Variants in MCU observed in about 807,000 individuals in gnomAD.
MCU encodes mitochondrial calcium uniporter.
Under a neutral mutation model 45.2 loss-of-function variants are expected in MCU, and 12 were observed. That is an observed-to-expected ratio of 0.27 (90% CI 0.17 to 0.43). The LOEUF is 0.43. MCU is among the 20% of genes least tolerant of loss of function. The pLI is 1.00. For synonymous variants in MCU, 160 were observed against 165.1 expected (o/e 0.97, Z 0.24); for missense variants, 324 against 436.7 (o/e 0.74, Z 2.30).
intron 1 of MCU, among the ~76,000 whole-genome samples, chr10:72,826,031 T>C (rs1255790117): frequency 6.6e-6 from 1 of 152,176 alleles, no homozygotes; most frequent in Non-Finnish European, 1.5e-5. Flanking sequence ...GGTCTGACAA[T>C]ACTGTTCCTA....
At chr10:72,834,302 A>AT (rs1352531011) in intron 1 of MCU, 57 bp from the exon 2 acceptor site, 7 of 1,288,952 alleles carry the variant, frequency 5.4e-6, no homozygotes, top group Non-Finnish European at 7.9e-6. Flanking sequence ...ATACACACAC[A>AT]TAAGTATATG....
intron 2 of MCU, among the ~76,000 whole-genome samples, chr10:72,837,390 T>A (rs964292073): frequency 2.0e-5 from 3 of 152,166 alleles, no homozygotes; most frequent in African/African-American, 7.2e-5. Flanking sequence ...GGCAATCTGC[T>A]TAAATGTTTA....
chr10:72,757,149 G>A (rs2132717879), intron 1 of MCU: 1 of 152,218 alleles, frequency 6.6e-6, no homozygotes, highest in South Asian at 2.1e-4. Context: ...AAGGAAAACA[G>A]AAACCATTTC....
At chr10:72,808,611 C>G (rs2041504764) in intron 1 of MCU, among the ~76,000 whole-genome samples, 1 of 152,266 alleles carries the variant, frequency 6.6e-6, no homozygotes, top group South Asian at 2.1e-4. Context: ...AATCCGTTCT[C>G]ACATAACTAT....
intron 1 of MCU, among the ~76,000 whole-genome samples, chr10:72,784,933 C>A (rs1306173412): frequency 6.6e-6 from 1 of 152,130 alleles, no homozygotes; most frequent in Non-Finnish European, 1.5e-5. Context: ...TTTTAAAGCA[C>A]CAGTCAACCA....
intron 1 of MCU, among the ~76,000 whole-genome samples, chr10:72,830,630 G>A (rs1844865268): frequency 6.6e-6 from 1 of 152,210 alleles, no homozygotes; most frequent in African/African-American, 2.4e-5. Flanking sequence ...TAATGGCCCA[G>A]TAAAGGCAGC....
At chr10:72,838,083 G>A (rs1041762453) in intron 2 of MCU, among the ~76,000 whole-genome samples, 4 of 151,408 alleles carry the variant, frequency 2.6e-5, no homozygotes, top group South Asian at 2.1e-4. Context: ...GGATGGTCTC[G>A]ATCTCTTGAC....
Position 72,692,147 on chromosome 10 carries a change from G to T in MCU, c.-5G>T. ...GCCTGGGTCGGCGCCGTTTCCAGTT[G>T]AGAGATGGCGGCCGCCGCAGGTAGA... On this transcript the variant is annotated 5_prime_UTR_variant, in exon 1 of 8. Transcript: ENST00000373053. 1 of 1,291,808 alleles carries T rather than the reference G, an allele frequency of 7.7e-7. No homozygotes were observed. Among genetic ancestry groups the T allele is most frequent in the South Asian group, 3.5e-5 (1 of 28,338 alleles). 80.0% of individuals were successfully genotyped at this position (1,291,808 alleles called of 1,614,324 possible).
intron 4 of MCU, among the ~76,000 whole-genome samples, chr10:72,864,631 C>A (rs1056971437): frequency 6.6e-6 from 1 of 152,092 alleles, no homozygotes; most frequent in African/African-American, 2.4e-5. Flanking sequence ...ATTGGTAAGG[C>A]TTCTAGTCCA....
chr10:72,726,229 C>T (rs1327125212), intron 1 of MCU, among the ~76,000 whole-genome samples: 2 of 145,588 alleles, frequency 1.4e-5, no homozygotes, highest in Admixed American at 1.4e-4. Flanking sequence ...TCTATCAGCA[C>T]ACACATACTT....
intron 1 of MCU, among the ~76,000 whole-genome samples, chr10:72,824,633 T>C (rs1359850708): frequency 6.6e-6 from 1 of 152,218 alleles, no homozygotes; most frequent in Non-Finnish European, 1.5e-5. Flanking sequence ...GGAAAAAGAA[T>C]TCGAAAACAA....
chr10:72,704,825 G>T (rs11000396), intron 1 of MCU, among the ~76,000 whole-genome samples: 1 of 148,054 alleles, frequency 6.8e-6, no homozygotes, highest in Non-Finnish European at 1.5e-5. Context: ...GGTTCAAGCA[G>T]TTCTCCTACC....
chr10:72,828,114 G>T (rs1017845494), intron 1 of MCU, among the ~76,000 whole-genome samples: 5 of 152,146 alleles, frequency 3.3e-5, no homozygotes, highest in Non-Finnish European at 7.4e-5. Flanking sequence ...TTGGAGACAG[G>T]TTTGGCAAAG....
chr10:72,849,184 G>A (rs2132854595), intron 2 of MCU, among the ~76,000 whole-genome samples: 1 of 151,898 alleles, frequency 6.6e-6, no homozygotes, highest in African/African-American at 2.4e-5. Flanking sequence ...GGGAGGCTGA[G>A]GCAGGAGAAT....
intron 1 of MCU, among the ~76,000 whole-genome samples, chr10:72,751,293 G>A (rs1173917165): frequency 1.4e-5 from 2 of 139,808 alleles, no homozygotes; most frequent in Non-Finnish European, 3.1e-5. Flanking sequence ...ATGAGCCACC[G>A]CACCCAGCCT....
At chr10:72,853,203 T>C (rs147565386) in intron 2 of MCU, among the ~76,000 whole-genome samples, 128 of 152,214 alleles carry the variant, frequency 8.4e-4, no homozygotes, top group Non-Finnish European at 1.5e-3. Flanking sequence ...ATGTCAGAGA[T>C]AATGGAATAA....
intron 1 of MCU, among the ~76,000 whole-genome samples, chr10:72,709,972 C>A (rs1226906752): frequency 6.6e-6 from 1 of 152,056 alleles, no homozygotes; most frequent in African/African-American, 2.4e-5. Context: ...TACATAATGG[C>A]TTTCTGTTTT....
At position 72,762,802 on chromosome 10, in the gene MCU, C is replaced by T. The variant is rs114917700; in HGVS notation, c.150+70501C>T. ...GATAGTATAATGTCATAAAACTGTT[C>T]CCCAGTGTATTAGGTGTTTTTTTTT... On this transcript the variant is annotated intron_variant, in intron 1 of 7. Coordinates refer to ENST00000373053, the MANE Select transcript of MCU (RefSeq NM_138357.3). Among the ~76,000 whole-genome samples, 1,164 of 152,002 alleles carry T rather than the reference C, an allele frequency of 7.7e-3. 17 individuals carry two copies. Among genetic ancestry groups the T allele is most frequent in the African/African-American group, 0.027 (1,100 of 41,458 alleles).
chr10:72,752,479 A>G (rs981886207), intron 1 of MCU, among the ~76,000 whole-genome samples: 6 of 152,238 alleles, frequency 3.9e-5, no homozygotes, highest in Admixed American at 3.9e-4. Flanking sequence ...ACATATAGGC[A>G]TTAATGACGT....
Sources: gnomAD v4.1 joint callset for allele counts (sites outside exome capture counted in the v4.1 genomes callset) on GRCh38, gnomAD v4.1.1 for gene constraint, MANE v1.5 for transcripts, NCBI Gene and HGNC (gene_info 2026-07-23, HGNC 2026-07-21) for gene names.